MACROD2: variants seen among roughly 807,000 people sequenced by gnomAD.
MACROD2 encodes the protein mono-ADP ribosylhydrolase 2, also known as ADP-ribose glycohydrolase MACROD2.
A neutral mutation model predicts 70.4 loss-of-function variants in MACROD2; 36 were observed. The ratio of observed to expected loss-of-function variants is 0.51; its 90% CI spans 0.39 to 0.68. The LOEUF is 0.68. MACROD2 is among the 30% of genes least tolerant of loss of function. The pLI, the probability that MACROD2 is intolerant of heterozygous loss-of-function variation, is 0.00. For missense variants in MACROD2, 496 were observed against 538.4 expected (o/e 0.92, Z 0.78); for synonymous variants, 172 against 178.8 (o/e 0.96, Z 0.30).
chr20:15,587,811 C>A (rs2048623227), intron 8 of MACROD2, among the ~76,000 whole-genome samples: 1 of 152,228 alleles, frequency 6.6e-6, no homozygotes, highest in Non-Finnish European at 1.5e-5. Flanking sequence ...GTCCCTGTCG[C>A]TTTGCAGGGT....
intron 4 of MACROD2, among the ~76,000 whole-genome samples, chr20:14,666,001 C>T (rs1279059225): frequency 6.6e-6 from 1 of 152,060 alleles, no homozygotes; most frequent in Non-Finnish European, 1.5e-5. Flanking sequence ...AGGAGGCCTG[C>T]CCTTTTTAAA....
At chr20:15,459,845 A>G (rs1212570058) in intron 7 of MACROD2, among the ~76,000 whole-genome samples, 1 of 151,220 alleles carries the variant, frequency 6.6e-6, no homozygotes, top group Non-Finnish European at 1.5e-5. Flanking sequence ...ACATTATTGC[A>G]CCAAATTTTC....
intron 7 of MACROD2, among the ~76,000 whole-genome samples, chr20:15,442,926 G>T (rs921738557): frequency 5.3e-5 from 8 of 151,956 alleles, no homozygotes; most frequent in African/African-American, 1.9e-4. Context: ...AATTTTTAAG[G>T]CATAAGGACA....
chr20:14,104,488 G>T (rs935081107), intron 3 of MACROD2, among the ~76,000 whole-genome samples: 1 of 152,136 alleles, frequency 6.6e-6, no homozygotes, highest in African/African-American at 2.4e-5. Flanking sequence ...AGTGAGAGAG[G>T]AACTGTTTAT....
At chr20:14,126,062 C>T (rs2054645446) in intron 3 of MACROD2, among the ~76,000 whole-genome samples, 1 of 152,152 alleles carries the variant, frequency 6.6e-6, no homozygotes. Flanking sequence ...GCAAATGTCC[C>T]CATGTATTCT....
chr20:15,891,375 G>C (rs1418416765), intron 10 of MACROD2, among the ~76,000 whole-genome samples: 1 of 152,182 alleles, frequency 6.6e-6, no homozygotes, highest in South Asian at 2.1e-4. Flanking sequence ...GACATGCTGT[G>C]CTAGGCCTGG....
rs1425529848 is a variant in MACROD2, at chr20:14,275,097, C to T, written c.271+189369C>T. Among the ~76,000 whole-genome samples, 4 of 152,254 alleles carry T rather than the reference C, an allele frequency of 2.6e-5. No individual in the cohort carries two copies. The East Asian group carries it at 5.8e-4, about 22-fold the overall frequency. On this transcript the variant is annotated intron_variant, in intron 3 of 17. Coordinates refer to ENST00000684519, the MANE Select transcript of MACROD2 (RefSeq NM_001351661.2). ...TTCAATGCCATCCCCATCAAGCTACCAATGACTTTCTTTACAGAATTGGAA... is the reference window on the plus strand; with the variant it reads ...TTCAATGCCATCCCCATCAAGCTACTAATGACTTTCTTTACAGAATTGGAA...
chr20:14,505,950 T>G (rs927169558), intron 4 of MACROD2, among the ~76,000 whole-genome samples: 2 of 152,178 alleles, frequency 1.3e-5, no homozygotes, highest in African/African-American at 4.8e-5. Flanking sequence ...GGATTTACGC[T>G]TCAAAAACTG....
chr20:15,628,285 T>C (rs1347257639), intron 8 of MACROD2, among the ~76,000 whole-genome samples: 2 of 152,200 alleles, frequency 1.3e-5, no homozygotes, highest in Admixed American at 1.3e-4. Flanking sequence ...ACCAAATAAA[T>C]AGGTCAGCCT....
intron 8 of MACROD2, among the ~76,000 whole-genome samples, chr20:15,737,602 C>T (rs2146960106): frequency 6.6e-6 from 1 of 152,286 alleles, no homozygotes; most frequent in East Asian, 1.9e-4. Flanking sequence ...TCAAGAGAGC[C>T]TGTCTACATG....
At chr20:15,397,241 T>G (rs73897796) in intron 6 of MACROD2, among the ~76,000 whole-genome samples, 9,210 of 152,272 alleles carry the variant, frequency 0.06, 774 homozygotes, top group African/African-American at 0.18. Flanking sequence ...TTACATCTCA[T>G]GTATACTGTA....
At chr20:14,339,340 A>G (rs970659993) in intron 3 of MACROD2, among the ~76,000 whole-genome samples, 8 of 152,200 alleles carry the variant, frequency 5.3e-5, no homozygotes, top group African/African-American at 1.9e-4. Flanking sequence ...GTACAATTAA[A>G]CTGATATGCA....
At chr20:15,835,900 G>C (rs1408956362) in intron 8 of MACROD2, among the ~76,000 whole-genome samples, 1 of 152,282 alleles carries the variant, frequency 6.6e-6, no homozygotes, top group South Asian at 2.1e-4. Flanking sequence ...CTGTAAAGTT[G>C]CTTGCAGAAT....
intron 5 of MACROD2, among the ~76,000 whole-genome samples, chr20:15,166,163 T>G (rs113932561): frequency 1.7e-3 from 259 of 152,314 alleles, no homozygotes; most frequent in Middle Eastern, 0.01. Flanking sequence ...CCAGATTGGT[T>G]GGACAACCCT....
intron 5 of MACROD2, among the ~76,000 whole-genome samples, chr20:14,837,996 A>G (rs1398555584): frequency 6.6e-6 from 1 of 152,090 alleles, no homozygotes; most frequent in Non-Finnish European, 1.5e-5. Flanking sequence ...AATGAAAAGA[A>G]CAAACTGAAA....
chr20:14,059,178 T>G (rs1347434284), intron 2 of MACROD2, among the ~76,000 whole-genome samples: 1 of 152,238 alleles, frequency 6.6e-6, no homozygotes, highest in Non-Finnish European at 1.5e-5. Context: ...CTCCCATTCT[T>G]TTTCCTCTCA....
chr20:15,957,827 G>A (rs1322815602), intron 12 of MACROD2, among the ~76,000 whole-genome samples: 1 of 152,174 alleles, frequency 6.6e-6, no homozygotes, highest in African/African-American at 2.4e-5. Context: ...CTGATTGCAT[G>A]AGTTTTCCTC....
intron 3 of MACROD2, among the ~76,000 whole-genome samples, chr20:14,297,632 T>C (rs1350567627): frequency 6.6e-6 from 1 of 151,928 alleles, no homozygotes; most frequent in Admixed American, 6.6e-5. Context: ...AGTTGGAAGC[T>C]AGCAGAGGTT....
intron 3 of MACROD2, among the ~76,000 whole-genome samples, chr20:14,446,811 CCAAAAAAGG>C (rs1430986271): frequency 6.6e-6 from 1 of 151,748 alleles, no homozygotes; most frequent in Non-Finnish European, 1.5e-5. Context: ...AAATCTGTTG[CCAAAAAAGG>C]CAAAGAAAAT....
Sources: allele counts gnomAD v4.1 joint callset (sites outside exome capture counted in the v4.1 genomes callset), GRCh38; gene constraint gnomAD v4.1.1; transcripts MANE v1.5; gene names NCBI Gene and HGNC (gene_info 2026-07-23, HGNC 2026-07-21).